SGCZ: variants seen among roughly 807,000 people sequenced by gnomAD.
SGCZ encodes the protein zeta-sarcoglycan.
Under a neutral mutation model 41.3 loss-of-function variants are expected in SGCZ, and 40 were observed. The ratio of observed to expected loss-of-function variants is 0.97; its 90% confidence interval spans 0.75 to 1.26. SGCZ has a LOEUF of 1.26. Among genes scored for constraint, SGCZ ranks in the 50% most tolerant of loss-of-function variants. The pLI is 0.00. For synonymous variants in SGCZ, 206 were observed against 137.5 expected, an observed-to-expected ratio of 1.50 and a Z score of -3.49; for missense variants, 552 against 369.8, an observed-to-expected ratio of 1.49 and a Z score of -4.04.
intron 1 of SGCZ, among the ~76,000 whole-genome samples, chr8:15,129,721 A>AAAAG (rs1807832170): frequency 6.6e-6 from 1 of 151,600 alleles, no homozygotes; most frequent in Admixed American, 6.6e-5. Flanking sequence ...AAAAAAAAAA[A>AAAAG]AAAATCACAG....
At chr8:15,225,483 T>C (rs940188573) in intron 1 of SGCZ, among the ~76,000 whole-genome samples, 1 of 152,138 alleles carries the variant, frequency 6.6e-6, no homozygotes, top group African/African-American at 2.4e-5. Flanking sequence ...TGGTACCGTG[T>C]TTGAGTGTGT....
intron 1 of SGCZ, among the ~76,000 whole-genome samples, chr8:14,822,595 A>G (rs1338125584): frequency 6.6e-6 from 1 of 152,182 alleles, no homozygotes; most frequent in Non-Finnish European, 1.5e-5. Context: ...AAAGCTATAG[A>G]AACCAAAACA....
chr8:14,310,087 G>C (rs13255247), intron 3 of SGCZ, among the ~76,000 whole-genome samples: 97,588 of 151,968 alleles, frequency 0.64, 32,562 homozygotes, highest in Non-Finnish European at 0.76. Flanking sequence ...TATTTTGCTG[G>C]TTTGAAAGAT....
intron 1 of SGCZ, among the ~76,000 whole-genome samples, chr8:14,896,427 G>A (rs959424770): frequency 4.8e-5 from 7 of 146,312 alleles, no homozygotes; most frequent in African/African-American, 1.6e-4. Context: ...GTTGACTCAT[G>A]ATGGAAGACT....
chr8:14,323,809 G>T (rs1264517112), intron 3 of SGCZ, among the ~76,000 whole-genome samples: 1 of 151,938 alleles, frequency 6.6e-6, no homozygotes, highest in African/African-American at 2.4e-5. Flanking sequence ...ATGCCCCCTT[G>T]GGATTTACTG....
chr8:14,489,866 C>CATTTTTTTTTT lies in SGCZ; in HGVS notation c.234+64865_234+64866insAAAAAAAAAAT, dbSNP rs142314868. ...ACTGGCTCGCCGAAAAATTCTCCTA[C>CATTTTTTTTTT]CTTTTTTTTTTTTTTCCTGAGATGG... On this transcript the variant is annotated intron_variant, in intron 2 of 7. Coordinates refer to ENST00000382080, the MANE Select transcript of SGCZ (RefSeq NM_139167.4). 7.6e-4 allele frequency among the ~76,000 whole-genome samples: 105 copies of CATTTTTTTTTT among 137,514 alleles called. 19 individuals carry two copies. Among genetic ancestry groups the CATTTTTTTTTT allele is most frequent in the African/African-American group, 1.1e-3 (39 of 35,116 alleles). The allele number at this position is 137,514 out of a possible 152,430, so 90.2% of individuals were successfully genotyped here. A position where few individuals can be genotyped will look rare whatever the true frequency, so the allele number is the denominator to read the frequency against.
At chr8:15,157,873 C>T (rs1403581970) in intron 1 of SGCZ, among the ~76,000 whole-genome samples, 1 of 152,184 alleles carries the variant, frequency 6.6e-6, no homozygotes, top group Non-Finnish European at 1.5e-5. Context: ...CCCATTTGGC[C>T]TACAAAGAAA....
intron 1 of SGCZ, among the ~76,000 whole-genome samples, chr8:14,883,662 A>C (rs1032104878): frequency 6.6e-6 from 1 of 151,966 alleles, no homozygotes. Flanking sequence ...GTGTCTCCCA[A>C]AATCTTACCC....
chr8:15,059,236 A>G (rs961463523), intron 1 of SGCZ, among the ~76,000 whole-genome samples: 1 of 152,176 alleles, frequency 6.6e-6, no homozygotes, highest in Non-Finnish European at 1.5e-5. Flanking sequence ...TTAATTGATT[A>G]TAATTATTCT....
In SGCZ at chr8:14,114,466, G is replaced by C. The variant is rs181618762; in HGVS notation, c.548-6231C>G. Among the ~76,000 whole-genome samples the C allele has an allele frequency of 2.9e-4, 44 of 152,044 alleles. No individual in the cohort carries two copies. The East Asian group carries it at 7.9e-3, about 27-fold the overall frequency. On this transcript the variant is annotated intron_variant, in intron 5 of 7. Coordinates refer to ENST00000382080, the MANE Select transcript of SGCZ (RefSeq NM_139167.4). ...AACACCATATTGTTCATTTAGGACT[G>C]AAAAATAAGCTGCCAGGATTTCTAA...
intron 1 of SGCZ, among the ~76,000 whole-genome samples, chr8:15,156,214 C>T (rs930168585): frequency 5.5e-4 from 84 of 152,168 alleles, no homozygotes; most frequent in African/African-American, 1.8e-3. Flanking sequence ...TTTAAAATGG[C>T]TAATGTCCAA....
intron 1 of SGCZ, among the ~76,000 whole-genome samples, chr8:14,564,162 C>G (rs1302073619): frequency 2.0e-5 from 3 of 152,068 alleles, no homozygotes; most frequent in Non-Finnish European, 4.4e-5. Flanking sequence ...GATGATGAAG[C>G]TAGCATTTGG....
intron 4 of SGCZ, among the ~76,000 whole-genome samples, chr8:14,183,452 AT>A (rs1339864016): frequency 6.6e-6 from 1 of 152,212 alleles, no homozygotes; most frequent in Non-Finnish European, 1.5e-5. Flanking sequence ...AGTACATGAA[AT>A]AAAAATTACA....
intron 1 of SGCZ, among the ~76,000 whole-genome samples, chr8:15,196,610 CA>C (rs1482286881): frequency 6.9e-6 from 1 of 145,288 alleles, no homozygotes; most frequent in Non-Finnish European, 1.5e-5. Context: ...TGACTACAAA[CA>C]GTAAAATTTC....
chr8:14,865,295 C>T (rs1032851019), intron 1 of SGCZ, among the ~76,000 whole-genome samples: 3 of 152,130 alleles, frequency 2.0e-5, no homozygotes, highest in African/African-American at 7.2e-5. Context: ...AACTCTCAGA[C>T]CATATCCCTT....
At chr8:14,930,963 T>C (rs1248051996) in intron 1 of SGCZ, among the ~76,000 whole-genome samples, 8 of 152,028 alleles carry the variant, frequency 5.3e-5, no homozygotes, top group Non-Finnish European at 8.8e-5. Context: ...TGTATACCTA[T>C]GTAACAAACC....
intron 1 of SGCZ, among the ~76,000 whole-genome samples, chr8:14,568,242 G>C (rs1330146857): frequency 6.6e-6 from 1 of 151,832 alleles, no homozygotes. Flanking sequence ...CGGGGGTGGG[G>C]AGAAAGAGGA....
At chr8:14,463,766 C>A (rs535739881) in intron 2 of SGCZ, among the ~76,000 whole-genome samples, 2 of 151,508 alleles carry the variant, frequency 1.3e-5, no homozygotes, top group Non-Finnish European at 3.0e-5. Flanking sequence ...TTCTAGACAG[C>A]TTTTATTATG....
intron 2 of SGCZ, among the ~76,000 whole-genome samples, chr8:14,423,470 G>T (rs553864908): frequency 6.6e-6 from 1 of 152,164 alleles, no homozygotes; most frequent in South Asian, 2.1e-4. Flanking sequence ...AGGCCAGAGT[G>T]CAATGGTGCA....
Sources: allele counts gnomAD v4.1 joint callset (sites outside exome capture counted in the v4.1 genomes callset), GRCh38; gene constraint gnomAD v4.1.1; transcripts MANE v1.5; gene names NCBI Gene and HGNC (gene_info 2026-07-23, HGNC 2026-07-21).